SYNPR: variants seen among roughly 807,000 people sequenced by gnomAD.
The protein encoded by SYNPR is synaptoporin.
In SYNPR, 23 loss-of-function variants were observed where a neutral mutation model predicts 32.9. The observed-to-expected ratio is 0.70, with a 90% CI of 0.50 to 0.99. The LOEUF is 0.99. Among genes scored for constraint, SYNPR ranks in the 50% least tolerant of loss-of-function variants. The pLI, the probability that SYNPR is intolerant of heterozygous loss-of-function variation, is 0.00. For missense variants in SYNPR, 318 were observed against 349.3 expected, an observed-to-expected ratio of 0.91 and a Z score of 0.71; for synonymous variants, 146 against 135.9, an observed-to-expected ratio of 1.07 and a Z score of -0.52.
intron 3 of SYNPR, among the ~76,000 whole-genome samples, chr3:63,518,313 G>A (rs535903658): frequency 1.4e-4 from 21 of 151,984 alleles, no homozygotes; most frequent in Admixed American, 6.6e-5. Context: ...TGTTACCCAC[G>A]CCAAGCCTTG....
intron 3 of SYNPR, among the ~76,000 whole-genome samples, chr3:63,520,489 G>T (rs4435638): frequency 2.6e-5 from 4 of 151,744 alleles, no homozygotes; most frequent in Non-Finnish European, 5.9e-5. Flanking sequence ...CCTGACCAAC[G>T]TGGTGAAACC....
intron 2 of SYNPR, among the ~76,000 whole-genome samples, chr3:63,314,162 G>C (rs1275569100): frequency 6.8e-6 from 1 of 146,148 alleles, no homozygotes; most frequent in African/African-American, 2.5e-5. Context: ...TTTTGCTATT[G>C]TGAATTGTGC....
chr3:63,547,108 G>T (rs1702420141), intron 3 of SYNPR, among the ~76,000 whole-genome samples: 2 of 152,074 alleles, frequency 1.3e-5, no homozygotes, highest in African/African-American at 2.4e-5. Context: ...AAAAATGTGT[G>T]TGTACTAGAT....
chr3:63,265,126 A>G (rs1161863395), intron 2 of SYNPR, among the ~76,000 whole-genome samples: 1 of 152,034 alleles, frequency 6.6e-6, no homozygotes, highest in African/African-American at 2.4e-5. Context: ...CTGGCTTTTG[A>G]TTGAACACAT....
chr3:63,599,930 G>A (rs1036145093), intron 4 of SYNPR, among the ~76,000 whole-genome samples: 1 of 152,078 alleles, frequency 6.6e-6, no homozygotes, highest in African/African-American at 2.4e-5. Flanking sequence ...CAATAACACA[G>A]GAGATATGTG....
chr3:63,324,779 C>T (rs369657183), intron 2 of SYNPR, among the ~76,000 whole-genome samples: 3 of 152,046 alleles, frequency 2.0e-5, no homozygotes, highest in Non-Finnish European at 4.4e-5. Flanking sequence ...ATGGAGAGGA[C>T]CTGGAGCTGT....
chr3:63,376,750 C>T (rs1378875931), intron 2 of SYNPR, among the ~76,000 whole-genome samples: 2 of 152,248 alleles, frequency 1.3e-5, no homozygotes, highest in Non-Finnish European at 2.9e-5. Flanking sequence ...TTGATTGTCT[C>T]ATCTGGAGTA....
chr3:63,466,973 C>T (rs1405839353), intron 2 of SYNPR, among the ~76,000 whole-genome samples: 3 of 152,098 alleles, frequency 2.0e-5, no homozygotes, highest in Non-Finnish European at 2.9e-5. Context: ...ATTTCTTCTT[C>T]ATTATTAGCT....
intron 2 of SYNPR, among the ~76,000 whole-genome samples, chr3:63,408,186 G>GAAAGAAAGAA (rs2088392562): frequency 3.1e-5 from 3 of 95,290 alleles, no homozygotes; most frequent in Non-Finnish European, 4.2e-5. Context: ...AAGAAAGAAA[G>GAAAGAAAGAA]AAAGAAAGAG....
chr3:63,588,752 C>CA (rs1000911074), intron 4 of SYNPR, among the ~76,000 whole-genome samples: 2 of 152,066 alleles, frequency 1.3e-5, no homozygotes, highest in African/African-American at 4.8e-5. Flanking sequence ...GCTTTCCTAG[C>CA]AAATTGCTAG....
At chr3:63,365,719 G>C (rs563795185) in intron 2 of SYNPR, among the ~76,000 whole-genome samples, 1 of 152,232 alleles carries the variant, frequency 6.6e-6, no homozygotes, top group East Asian at 1.9e-4. Context: ...GAAAGGACCC[G>C]TATTTATTCA....
At chr3:63,487,358 C>G (rs1470493160) in intron 3 of SYNPR, among the ~76,000 whole-genome samples, 2 of 152,064 alleles carry the variant, frequency 1.3e-5, no homozygotes, top group Non-Finnish European at 2.9e-5. Flanking sequence ...ACAATGTTAC[C>G]TATTTCATAG....
In SYNPR at chr3:63,421,638, A is replaced by C. The variant is rs143938760; in HGVS notation, c.85-59194A>C. On this transcript the variant is annotated intron_variant, in intron 2 of 5. Transcript: ENST00000478300. ...TACCTTGAGCTTAGAGACTTAAAAC[A>C]ACGCACATTTATTTTCTCCTAGTTT... Among the ~76,000 whole-genome samples, 967 of 152,332 alleles carry C rather than the reference A, an allele frequency of 6.3e-3. 10 individuals are homozygous for C. Among genetic ancestry groups the C allele is most frequent in the African/African-American group, 0.022 (918 of 41,576 alleles).
intron 2 of SYNPR, among the ~76,000 whole-genome samples, chr3:63,414,322 T>C (rs113227127): frequency 0.016 from 2,503 of 152,210 alleles, 67 homozygotes; most frequent in African/African-American, 0.057. Context: ...TCACACACAA[T>C]AGGGGCACAT....
At chr3:63,525,314 G>A (rs1030196410) in intron 3 of SYNPR, among the ~76,000 whole-genome samples, 1 of 152,142 alleles carries the variant, frequency 6.6e-6, no homozygotes, top group African/African-American at 2.4e-5. Context: ...ATTAGAATCA[G>A]CTGTGGAACT....
intron 2 of SYNPR, among the ~76,000 whole-genome samples, chr3:63,374,771 C>T (rs746337807): frequency 1.3e-4 from 20 of 152,176 alleles, no homozygotes; most frequent in Non-Finnish European, 1.9e-4. Context: ...TTCTACTCTA[C>T]ACAGCCTCCC....
At chr3:63,295,661 T>A (rs1397861689) in intron 2 of SYNPR, among the ~76,000 whole-genome samples, 1 of 152,224 alleles carries the variant, frequency 6.6e-6, no homozygotes, top group African/African-American at 2.4e-5. Flanking sequence ...CAAGTACTTT[T>A]AAAACTTCTT....
At chr3:63,369,546 T>A (rs2087770295) in intron 2 of SYNPR, among the ~76,000 whole-genome samples, 1 of 152,222 alleles carries the variant, frequency 6.6e-6, no homozygotes, top group Non-Finnish European at 1.5e-5. Context: ...TTCTAAAACA[T>A]TTTAATATTT....
At chr3:63,254,443 G>A (rs894171796) in intron 2 of SYNPR, among the ~76,000 whole-genome samples, 2 of 152,118 alleles carry the variant, frequency 1.3e-5, no homozygotes, top group Non-Finnish European at 2.9e-5. Flanking sequence ...AAAATTAGAA[G>A]AGAAAATAAC....
Sources: allele counts gnomAD v4.1 joint callset (sites outside exome capture counted in the v4.1 genomes callset), GRCh38; gene constraint gnomAD v4.1.1; transcripts MANE v1.5; gene names NCBI Gene and HGNC (gene_info 2026-07-23, HGNC 2026-07-21).